The following PDE10A variants were observed in gnomAD, a reference collection of about 807,000 sequenced individuals.
PDE10A encodes cAMP and cAMP-inhibited cGMP 3',5'-cyclic phosphodiesterase 10A.
In PDE10A, 39 loss-of-function variants were observed where a neutral mutation model predicts 97.7. That is an observed-to-expected ratio of 0.40 (90% confidence interval 0.31 to 0.52). The LOEUF is 0.52. Ranked by LOEUF, PDE10A falls within the 20% of genes least tolerant of loss-of-function variation. PDE10A has a pLI of 0.56. For synonymous variants in PDE10A, 371 were observed against 376.8 expected, an observed-to-expected ratio of 0.98 and a Z score of 0.18; for missense variants, 731 against 1,047.8, an observed-to-expected ratio of 0.70 and a Z score of 4.17.
intron 1 of PDE10A, among the ~76,000 whole-genome samples, chr6:165,722,534 C>T (rs990745226): frequency 6.6e-6 from 1 of 152,178 alleles, no homozygotes; most frequent in Non-Finnish European, 1.5e-5. Flanking sequence ...AGGAGATTAA[C>T]AACAATAACT....
intron 17 of PDE10A, among the ~76,000 whole-genome samples, chr6:165,383,073 T>C (rs1785037174): frequency 6.6e-6 from 1 of 152,094 alleles, no homozygotes; most frequent in Admixed American, 6.6e-5. Context: ...TAGTAAGAAG[T>C]CACGGGATCC....
At chr6:165,944,034 T>A (rs1229215465) in intron 1 of PDE10A, among the ~76,000 whole-genome samples, 1 of 152,222 alleles carries the variant, frequency 6.6e-6, no homozygotes, top group Admixed American at 6.5e-5. Flanking sequence ...TTCTGCATGG[T>A]TGAGGAAGCC....
chr6:165,678,318 C>T (rs749146773), intron 1 of PDE10A, among the ~76,000 whole-genome samples: 3 of 68,364 alleles, frequency 4.4e-5, no homozygotes, highest in African/African-American at 1.7e-4. Flanking sequence ...CATGTGTGTG[C>T]ATATCTTTCC....
At chr6:165,567,061 T>G (rs1158025809) in intron 1 of PDE10A, among the ~76,000 whole-genome samples, 1 of 152,178 alleles carries the variant, frequency 6.6e-6, no homozygotes, top group East Asian at 1.9e-4. Context: ...TCCGTCAACA[T>G]TAGAACAGAT....
rs543921985 is a variant in PDE10A, at chr6:165,350,439, A to C, written c.2784-6937T>G. Among the ~76,000 whole-genome samples the C allele has an allele frequency of 7.9e-5, 12 of 152,316 alleles. No homozygotes were observed. In the South Asian group the frequency reaches 2.5e-3, roughly 32 times the overall value. ...GCCTGTACCCCCATTGTGTCTAGGA[A>C]GTAACTGACTTGCTTCTGATTTTAT... On this transcript the variant is annotated intron_variant, in intron 18 of 21. Coordinates refer to ENST00000539869, the MANE Select transcript of PDE10A (RefSeq NM_001385079.1).
At chr6:165,335,749 C>T (rs910079110) in intron 21 of PDE10A, among the ~76,000 whole-genome samples, 2 of 152,178 alleles carry the variant, frequency 1.3e-5, no homozygotes, top group African/African-American at 2.4e-5. Flanking sequence ...TCAGACTGAA[C>T]GTGGGCATAA....
chr6:165,752,737 G>A (rs1045955117), intron 1 of PDE10A, among the ~76,000 whole-genome samples: 1 of 152,038 alleles, frequency 6.6e-6, no homozygotes, highest in Non-Finnish European at 1.5e-5. Context: ...ATGTCATATT[G>A]CAGAAGTTTA....
intron 14 of PDE10A, 28 bp from the exon 15 acceptor site, chr6:165,395,292 CT>C (rs1391323857): frequency 6.9e-7 from 1 of 1,439,794 alleles, no homozygotes; most frequent in Non-Finnish European, 9.8e-7. Flanking sequence ...CAGTTTATCA[CT>C]AAACGTGATT....
At chr6:165,956,888 G>T (rs1784149529) in intron 1 of PDE10A, among the ~76,000 whole-genome samples, 2 of 152,182 alleles carry the variant, frequency 1.3e-5, no homozygotes, top group South Asian at 4.1e-4. Flanking sequence ...AGGAGCTATT[G>T]ACTGCATGGG....
intron 1 of PDE10A, among the ~76,000 whole-genome samples, chr6:165,925,869 T>C (rs1208346524): frequency 6.6e-6 from 1 of 152,058 alleles, no homozygotes; most frequent in African/African-American, 2.4e-5. Flanking sequence ...CACAAATGAG[T>C]GCAAGAAACA....
rs187586760 is a variant in PDE10A at position 165,349,548 on chromosome 6, A to C, written c.2784-6046T>G. On this transcript the variant is annotated intron_variant, in intron 18 of 21. Transcript: ENST00000539869. ...CCTGATGATGTGGTAGAAAAGAAAA[A>C]CCAATTTTCTGGGGAGAAATTCAAG... 2.9e-3 allele frequency among the ~76,000 whole-genome samples: 439 copies of C among 152,292 alleles called. 2 individuals carry two copies. The highest frequency in any genetic ancestry group is 0.01 in the African/African-American group (417 of 41,564).
chr6:165,798,548 GA>G (rs1431207935), intron 1 of PDE10A, among the ~76,000 whole-genome samples: 1 of 152,074 alleles, frequency 6.6e-6, no homozygotes, highest in Non-Finnish European at 1.5e-5. Context: ...ATTTAACTCC[GA>G]AAACGGTACC....
At chr6:165,680,636 G>A (rs745921229) in intron 1 of PDE10A, among the ~76,000 whole-genome samples, 1 of 152,222 alleles carries the variant, frequency 6.6e-6, no homozygotes, top group South Asian at 2.1e-4. Flanking sequence ...AGGAGCGGGG[G>A]CTCAGGTCTG....
chr6:165,905,548 C>T (rs1240909093), intron 1 of PDE10A, among the ~76,000 whole-genome samples: 1 of 152,048 alleles, frequency 6.6e-6, no homozygotes, highest in Non-Finnish European at 1.5e-5. Context: ...TATGTATATA[C>T]ATATATGAAT....
chr6:165,339,131 A>T, intron 20 of PDE10A, 147 bp downstream of exon 20: 1 of 674,408 alleles, frequency 1.5e-6, no homozygotes, highest in Non-Finnish European at 2.7e-6. Context: ...AAATTTCTGA[A>T]GTTTCTATAT....
At position 165,379,385 on chromosome 6, in the gene PDE10A, T is replaced by C. The variant is rs201480437; in HGVS notation, c.2611-19A>G. The C allele has an allele frequency of 6.3e-7, 1 of 1,590,448 alleles. No homozygotes were observed. The highest frequency in any genetic ancestry group is 8.6e-7 in the Non-Finnish European group (1 of 1,165,354). On this transcript the variant is annotated intron_variant, in intron 17 of 21. Coordinates refer to ENST00000539869, the MANE Select transcript of PDE10A (RefSeq NM_001385079.1). ...CTTCCAACTAGGGAAAAAATACAAA[T>C]AAAAACCACCAATAACAAGCACAAG...
At chr6:165,616,072 C>G (rs919190041) in intron 1 of PDE10A, among the ~76,000 whole-genome samples, 1 of 152,158 alleles carries the variant, frequency 6.6e-6, no homozygotes, top group Non-Finnish European at 1.5e-5. Context: ...TAAGTTGTTT[C>G]AACCTAATTC....
At chr6:165,731,964 C>T (rs1437398082) in intron 1 of PDE10A, among the ~76,000 whole-genome samples, 1 of 152,162 alleles carries the variant, frequency 6.6e-6, no homozygotes, top group Non-Finnish European at 1.5e-5. Context: ...TCTAAATTTA[C>T]TTTTGGCAGA....
chr6:165,525,272 A>G (rs577780165), intron 2 of PDE10A, among the ~76,000 whole-genome samples: 1 of 152,326 alleles, frequency 6.6e-6, no homozygotes, highest in African/African-American at 2.4e-5. Flanking sequence ...TAATGGTGGA[A>G]GAAACATAAA....
Sources: allele counts gnomAD v4.1 joint callset (sites outside exome capture counted in the v4.1 genomes callset), GRCh38; gene constraint gnomAD v4.1.1; transcripts MANE v1.5; gene names NCBI Gene and HGNC (gene_info 2026-07-23, HGNC 2026-07-21).